The following RNLS variants were observed in gnomAD, a reference collection of about 807,000 sequenced individuals.
RNLS encodes renalase, FAD dependent amine oxidase, also known as renalase.
In RNLS, 39 loss-of-function variants were observed where a neutral mutation model predicts 39.8. The ratio of observed to expected loss-of-function variants is 0.98; its 90% CI spans 0.76 to 1.28. The LOEUF (loss-of-function observed/expected upper bound fraction) is 1.28, where lower values mean the gene tolerates loss of function less well. Among genes scored for constraint, RNLS ranks in the 50% most tolerant of loss-of-function variants. The pLI, the probability that RNLS is intolerant of heterozygous loss-of-function variation, is 0.00. For missense variants in RNLS, 410 were observed against 413.3 expected, an observed-to-expected ratio of 0.99 and a Z score of 0.07; for synonymous variants, 147 against 150.7, an observed-to-expected ratio of 0.98 and a Z score of 0.18.
chr10:88,230,224 C>T, the RNLS span, among the ~76,000 whole-genome samples: 2 of 152,078 alleles, frequency 1.3e-5, no homozygotes, highest in East Asian at 1.9e-4. Context: ...GTGGGATAGA[C>T]AAAAACAAGC....
chr10:88,214,789 T>C, the RNLS span, among the ~76,000 whole-genome samples: 1 of 152,216 alleles, frequency 6.6e-6, no homozygotes, highest in African/African-American at 2.4e-5. Flanking sequence ...ATGAATGGAA[T>C]GTATTAACTT....
chr10:88,463,841 G>A (rs986169651), intron 4 of RNLS, among the ~76,000 whole-genome samples: 1 of 152,014 alleles, frequency 6.6e-6, no homozygotes, highest in Non-Finnish European at 1.5e-5. Flanking sequence ...GTGTGTGTGT[G>A]TGTCTGTGTG....
Position 88,452,188 on chromosome 10 carries a change from TCA to T in RNLS, c.527-89465_527-89464del, listed in dbSNP as rs1422344300. ...GTGAAGTAGAGAACTCTTTTGAGAC[TCA>T]GATTCTTTATCTGTAAAATGTGGGT... On this transcript the variant is annotated intron_variant, in intron 4 of 6. Transcript: ENST00000331772. 1.1e-4 allele frequency among the ~76,000 whole-genome samples: 16 copies of T among 152,358 alleles called. No homozygotes were observed. In the East Asian group the frequency reaches 3.1e-3, roughly 29 times the overall value.
intron 4 of RNLS, among the ~76,000 whole-genome samples, chr10:88,424,794 G>C (rs912508184): frequency 6.6e-6 from 1 of 152,050 alleles, no homozygotes; most frequent in South Asian, 2.1e-4. Flanking sequence ...CATAGGACCC[G>C]AGCTGTTGAG....
At chr10:88,362,475 A>G (rs1049291693) in intron 5 of RNLS, 77 bp downstream of exon 5, 1 of 1,301,966 alleles carries the variant, frequency 7.7e-7, no homozygotes, top group Non-Finnish European at 1.1e-6. Context: ...GAATGGCAAC[A>G]CTCAATTAAA....
chr10:88,205,404 TA>T, the RNLS span, among the ~76,000 whole-genome samples: 19 of 152,112 alleles, frequency 1.2e-4, no homozygotes, highest in African/African-American at 1.9e-4. Flanking sequence ...AGGACACCCT[TA>T]AGATAATCAA....
the RNLS span, among the ~76,000 whole-genome samples, chr10:88,190,642 A>C: frequency 6.6e-6 from 1 of 152,102 alleles, no homozygotes; most frequent in Non-Finnish European, 1.5e-5. Flanking sequence ...ATACATTCTA[A>C]GATTTCTCTA....
At chr10:88,198,576 G>A in the RNLS span, among the ~76,000 whole-genome samples, 2 of 152,152 alleles carry the variant, frequency 1.3e-5, no homozygotes, top group Non-Finnish European at 2.9e-5. Context: ...GGGGCCTGAT[G>A]GGAGGTGATT....
At chr10:88,291,735 A>G (rs568266425) in intron 6 of RNLS, among the ~76,000 whole-genome samples, 1 of 152,260 alleles carries the variant, frequency 6.6e-6, no homozygotes, top group Admixed American at 6.5e-5. Context: ...TTAAATTACT[A>G]TAGCTTGATG....
chr10:88,526,905 ACTGGAGGCACCAGGTGTCT>A (rs536963486), intron 4 of RNLS, among the ~76,000 whole-genome samples: 1,809 of 151,950 alleles, frequency 0.012, 11 homozygotes, highest in Non-Finnish European at 0.02. Context: ...ATGTTAAGGA[ACTGGAGGCACCAGGTGTCT>A]CTGGAGGCAC....
At chr10:88,545,909 A>G (rs549839651) in intron 4 of RNLS, among the ~76,000 whole-genome samples, 1 of 152,324 alleles carries the variant, frequency 6.6e-6, no homozygotes, top group South Asian at 2.1e-4. Context: ...TATTTTATCA[A>G]TAGCACTAAT....
intron 4 of RNLS, among the ~76,000 whole-genome samples, chr10:88,523,894 G>A (rs1259214750): frequency 6.6e-6 from 1 of 152,010 alleles, no homozygotes; most frequent in African/African-American, 2.4e-5. Flanking sequence ...TACCTCTGCC[G>A]ACCTACATCT....
intron 5 of RNLS, among the ~76,000 whole-genome samples, chr10:88,356,629 A>G (rs961852675): frequency 6.6e-6 from 1 of 152,254 alleles, no homozygotes; most frequent in African/African-American, 2.4e-5. Flanking sequence ...TTGTTACTCA[A>G]AGATTCTAAC....
At chr10:88,491,253 T>C (rs1158053208) in intron 4 of RNLS, among the ~76,000 whole-genome samples, 1 of 152,116 alleles carries the variant, frequency 6.6e-6, no homozygotes, top group African/African-American at 2.4e-5. Flanking sequence ...CAAAACATAC[T>C]GAAGAGAGGA....
chr10:88,512,018 G>A (rs1846146506), intron 4 of RNLS, among the ~76,000 whole-genome samples: 1 of 152,046 alleles, frequency 6.6e-6, no homozygotes, highest in Non-Finnish European at 1.5e-5. Context: ...AAATAACAAT[G>A]TAAAATCATC....
chr10:88,349,255 A>C (rs1359712929), intron 5 of RNLS, among the ~76,000 whole-genome samples: 1 of 152,150 alleles, frequency 6.6e-6, no homozygotes, highest in Admixed American at 6.5e-5. Context: ...TTCTACTTTC[A>C]TTCCATCTCT....
At chr10:88,497,828 C>A (rs1174057536) in intron 4 of RNLS, among the ~76,000 whole-genome samples, 2 of 151,940 alleles carry the variant, frequency 1.3e-5, no homozygotes, top group Non-Finnish European at 2.9e-5. Context: ...CACAACAACA[C>A]CTGGTCTCTG....
At chr10:88,558,381 T>G (rs1848985870) in intron 4 of RNLS, among the ~76,000 whole-genome samples, 1 of 152,178 alleles carries the variant, frequency 6.6e-6, no homozygotes, top group African/African-American at 2.4e-5. Flanking sequence ...TTTAGGAAAG[T>G]GCTTAACATA....
At chr10:88,539,323 T>C (rs1847928751) in intron 4 of RNLS, among the ~76,000 whole-genome samples, 1 of 152,160 alleles carries the variant, frequency 6.6e-6, no homozygotes, top group South Asian at 2.1e-4. Context: ...TTGAAAATAC[T>C]AAAAATTGGA....
Sources: gnomAD v4.1 joint callset for allele counts (sites outside exome capture counted in the v4.1 genomes callset) on GRCh38, gnomAD v4.1.1 for gene constraint, MANE v1.5 for transcripts, NCBI Gene and HGNC (gene_info 2026-07-23, HGNC 2026-07-21) for gene names.